TRPA1: variants seen among roughly 807,000 people sequenced by gnomAD.
The protein encoded by TRPA1 is transient receptor potential cation channel subfamily A member 1.
A neutral mutation model predicts 131.3 loss-of-function variants in TRPA1; 129 were observed. The observed-to-expected ratio is 0.98, with a 90% CI of 0.85 to 1.14. The LOEUF (loss-of-function observed/expected upper bound fraction) is 1.14. Ranked by LOEUF, TRPA1 falls within the 50% of genes most tolerant of loss-of-function variation. The probability of loss-of-function intolerance (pLI) is 0.00; values close to 1 mark genes in which losing one functional copy is unlikely to be tolerated. For synonymous variants in TRPA1, 441 were observed against 451.7 expected, an observed-to-expected ratio of 0.98 and a Z score of 0.30; for missense variants, 1,304 against 1,354.2, an observed-to-expected ratio of 0.96 and a Z score of 0.58.
chr8:72,056,046 A>T (rs934651999), intron 10 of TRPA1, 191 bp from the exon 11 acceptor site: 2 of 630,256 alleles, frequency 3.2e-6, no homozygotes, highest in East Asian at 5.5e-5. Context: ...GTCTTCATTT[A>T]GTGTACATTA....
chr8:72,077,367 C>A (rs955474301), upstream of TRPA1, among the ~76,000 whole-genome samples: 3 of 152,056 alleles, frequency 2.0e-5, no homozygotes, highest in Non-Finnish European at 4.4e-5. Flanking sequence ...AGAAGGGTGG[C>A]TCCAGGCCAA....
At chr8:72,040,761 T>C (rs948747239) in intron 17 of TRPA1, among the ~76,000 whole-genome samples, 5 of 152,068 alleles carry the variant, frequency 3.3e-5, no homozygotes, top group Non-Finnish European at 5.9e-5. Context: ...TCCTAGGCAG[T>C]GTCCCAGTAT....
rs1812441155 is a variant in TRPA1, at chr8:72,046,527, G to C, written c.2047C>G (p.Leu683Val). The C allele has an allele frequency of 6.3e-7, 1 of 1,585,758 alleles. No homozygotes were observed. The highest frequency in any genetic ancestry group is 8.6e-7 in the Non-Finnish European group (1 of 1,159,130). ...ATTGAACTTACGTTGAGGGCTGTAA[G>C]CGGTTCATATATAACATCCTGTGTA... ...TPTQDVIYEP[L>V]TALNAMVQNN... The change falls in exon 17 of 27, where the codon CTT becomes GTT. Residue 683 changes from leucine to valine, a missense_variant. Transcript: ENST00000262209.
At chr8:72,088,366 CTT>C in the TRPA1 span, among the ~76,000 whole-genome samples, 2,311 of 81,212 alleles carry the variant, frequency 0.028, 42 homozygotes, top group African/African-American at 0.097. Flanking sequence ...TCTTTGAAAA[CTT>C]TTTTTTTTTT....
At chr8:72,065,967 G>A (rs1013552819) in intron 3 of TRPA1, among the ~76,000 whole-genome samples, 5 of 152,120 alleles carry the variant, frequency 3.3e-5, no homozygotes, top group African/African-American at 1.2e-4. Flanking sequence ...AGAAGGAAGA[G>A]AGTAAAAGAG....
chr8:72,088,366 C>CTTTTTTTTTTTTTTTTTT, the TRPA1 span, among the ~76,000 whole-genome samples: 71 of 81,226 alleles, frequency 8.7e-4, no homozygotes, highest in South Asian at 1.8e-3. Context: ...TCTTTGAAAA[C>CTTTTTTTTTTTTTTTTTT]TTTTTTTTTT....
chr8:72,074,152 CATCTAA>C (rs11469445), intron 1 of TRPA1, among the ~76,000 whole-genome samples: 45,197 of 151,838 alleles, frequency 0.3, 7,054 homozygotes, highest in Middle Eastern at 0.44. Context: ...AGAGAAGCTA[CATCTAA>C]ACTCACAGAC....
chr8:72,054,218 CTT>C, intron 12 of TRPA1: 1 of 279,058 alleles, frequency 3.6e-6, no homozygotes, highest in Non-Finnish European at 6.9e-6. Flanking sequence ...CAATTTAAAT[CTT>C]GTTTTATTCT....
chr8:72,063,940 C>T (rs1805870387), intron 4 of TRPA1, among the ~76,000 whole-genome samples: 1 of 151,926 alleles, frequency 6.6e-6, no homozygotes, highest in African/African-American at 2.4e-5. Flanking sequence ...GATTCTTTTC[C>T]CTTTATTTAT....
At chr8:72,035,706 C>A (rs551382943) in intron 21 of TRPA1, among the ~76,000 whole-genome samples, 17 of 152,252 alleles carry the variant, frequency 1.1e-4, no homozygotes, top group Admixed American at 3.9e-4. Context: ...ATTCCCCATA[C>A]TATCCATCAG....
chr8:72,059,790 T>C (rs372686067), intron 7 of TRPA1, among the ~76,000 whole-genome samples: 29 of 152,322 alleles, frequency 1.9e-4, no homozygotes, highest in East Asian at 5.8e-4. Flanking sequence ...TCCTGGGGAA[T>C]AGAACAGCTA....
chr8:72,045,275 C>T (rs1349500532), intron 17 of TRPA1, among the ~76,000 whole-genome samples: 1 of 151,810 alleles, frequency 6.6e-6, no homozygotes. Flanking sequence ...GTAGGTTTAA[C>T]TTGGGTGACG....
chr8:72,040,342 T>C (rs1812211114), intron 17 of TRPA1, among the ~76,000 whole-genome samples: 2 of 152,090 alleles, frequency 1.3e-5, no homozygotes, highest in South Asian at 4.1e-4. Flanking sequence ...CCCTCCTTCC[T>C]CCATAGAGAT....
intron 15 of TRPA1, among the ~76,000 whole-genome samples, chr8:72,047,982 G>A (rs1292349844): frequency 3.3e-5 from 5 of 151,902 alleles, no homozygotes; most frequent in Non-Finnish European, 7.4e-5. Flanking sequence ...CCAGTCTGGA[G>A]TAATGTGTTT....
At chr8:72,040,309 G>A (rs1345131261) in intron 17 of TRPA1, among the ~76,000 whole-genome samples, 2 of 152,018 alleles carry the variant, frequency 1.3e-5, no homozygotes, top group African/African-American at 4.8e-5. Context: ...TGCCAACAAG[G>A]GAGCAAAATA....
At chr8:72,031,386 C>G (rs1299177187) in intron 23 of TRPA1, among the ~76,000 whole-genome samples, 1 of 151,532 alleles carries the variant, frequency 6.6e-6, no homozygotes, top group Non-Finnish European at 1.5e-5. Flanking sequence ...CCAGACCAGC[C>G]TGGGCAAAAT....
At chr8:72,058,342 A>G (rs1042746481) in intron 8 of TRPA1, among the ~76,000 whole-genome samples, 5 of 152,226 alleles carry the variant, frequency 3.3e-5, no homozygotes, top group African/African-American at 1.2e-4. Context: ...GAAAATTTAT[A>G]TTTAAAAATC....
In TRPA1 at chr8:72,057,028, AC is replaced by A. The variant is rs1563398685; in HGVS notation, c.1094-12del. 1 of 1,562,334 alleles carries A rather than the reference AC, an allele frequency of 6.4e-7. No homozygotes were observed. The highest frequency in any genetic ancestry group is 1.4e-5 in the African/African-American group (1 of 73,018). ...TGTCTACTTGGGCACCTAAAAAAAA[AC>A]ACTATGTAAATATAAATTCTATTCA... On this transcript the variant is annotated splice_polypyrimidine_tract_variant and intron_variant, in intron 9 of 26. Coordinates refer to ENST00000262209, the MANE Select transcript of TRPA1 (RefSeq NM_007332.3).
At chr8:72,048,105 T>C (rs566344539) in intron 15 of TRPA1, among the ~76,000 whole-genome samples, 2 of 152,162 alleles carry the variant, frequency 1.3e-5, no homozygotes, top group African/African-American at 4.8e-5. Flanking sequence ...ACTCTCTAGA[T>C]ACTTAACTCA....
Sources: gnomAD v4.1 joint callset for allele counts (sites outside exome capture counted in the v4.1 genomes callset) on GRCh38, gnomAD v4.1.1 for gene constraint, MANE v1.5 for transcripts, NCBI Gene and HGNC (gene_info 2026-07-23, HGNC 2026-07-21) for gene names.